Variants in PPFIBP2 observed in about 807,000 individuals in gnomAD.
PPFIBP2 encodes PPFIB scaffold protein 2.
A neutral mutation model predicts 118.3 loss-of-function variants in PPFIBP2; 118 were observed. The ratio of observed to expected loss-of-function variants is 1.00; its 90% CI spans 0.86 to 1.16. The LOEUF (loss-of-function observed/expected upper bound fraction) is 1.16. Ranked by LOEUF, PPFIBP2 falls within the 50% of genes most tolerant of loss-of-function variation. The pLI, the probability that PPFIBP2 is intolerant of heterozygous loss-of-function variation, is 0.00. For synonymous variants in PPFIBP2, 414 were observed against 397.4 expected, an observed-to-expected ratio of 1.04 and a Z score of -0.50; for missense variants, 1,195 against 1,073.1, an observed-to-expected ratio of 1.11 and a Z score of -1.59.
intron 1 of PPFIBP2, among the ~76,000 whole-genome samples, chr11:7,542,713 G>T (rs745736186): frequency 6.6e-5 from 10 of 152,232 alleles, no homozygotes; most frequent in African/African-American, 9.6e-5. Context: ...GACTGAGGAA[G>T]TCTCTCCCAG....
At chr11:7,591,728 T>C (rs1859343112) in intron 3 of PPFIBP2, among the ~76,000 whole-genome samples, 1 of 152,194 alleles carries the variant, frequency 6.6e-6, no homozygotes, top group Non-Finnish European at 1.5e-5. Flanking sequence ...ACAGCTGGCC[T>C]GGGGAGTGGC....
chr11:7,549,281 A>T (rs1056563493), intron 1 of PPFIBP2, among the ~76,000 whole-genome samples, 159 bp from the exon 2 acceptor site: 2 of 152,236 alleles, frequency 1.3e-5, no homozygotes, highest in African/African-American at 2.4e-5. Context: ...ACTCATGCCA[A>T]GAGGGAAAAG....
chr11:7,633,170 G>C (rs950204631), intron 12 of PPFIBP2, among the ~76,000 whole-genome samples: 1 of 152,206 alleles, frequency 6.6e-6, no homozygotes, highest in East Asian at 1.9e-4. Flanking sequence ...TCTGGCCAAG[G>C]ATTAGAGCCT....
intron 16 of PPFIBP2, 143 bp from the exon 17 acceptor site, chr11:7,642,155 C>G: frequency 1.0e-6 from 1 of 973,614 alleles, no homozygotes; most frequent in Non-Finnish European, 1.5e-6. Context: ...AGGTTGTGAT[C>G]CTTGATCTCT....
chr11:7,597,212 GA>G, intron 4 of PPFIBP2: 1 of 1,500,690 alleles, frequency 6.7e-7, no homozygotes, highest in Non-Finnish European at 8.9e-7. Flanking sequence ...CAAGCCAGCT[GA>G]GATGTGCCTT....
In PPFIBP2 at chr11:7,629,495, C is replaced by T. The variant is rs746828240; in HGVS notation, c.925C>T (p.Gln309Ter). ...AGAGGAGCTTACGGGGCTGTTAAAC[C>T]AGTACCGGAAGGTAAAGGAGATTGT... ...RIEELTGLLN[Q>*]YRKVKEIVMV... Residue 309 changes from glutamine (Q) to a stop codon, truncating the protein, a stop_gained, in exon 10 of 24, where the codon CAG becomes TAG. Transcript: ENST00000299492. LOFTEE classifies it high-confidence loss of function. 6.2e-7 allele frequency: 1 copy of T among 1,613,996 alleles called. No individual in the cohort carries two copies. The highest frequency in any genetic ancestry group is 2.2e-5 in the East Asian group (1 of 44,896).
In PPFIBP2 at chr11:7,585,377, T is replaced by C. The variant is rs374265860; in HGVS notation, c.280-7755T>C. Among the ~76,000 whole-genome samples, 27 of 152,278 alleles carry C rather than the reference T, an allele frequency of 1.8e-4. No homozygotes were observed. The South Asian group carries it at 5.2e-3, about 29-fold the overall frequency. ...CTGTTTTAGGTTTTCCCACACTCCT[T>C]ACTTGTATACCAATGACACCCCTGT... On this transcript the variant is annotated intron_variant, in intron 3 of 23. Transcript: ENST00000299492.
At chr11:7,587,725 C>T (rs990413933) in intron 3 of PPFIBP2, among the ~76,000 whole-genome samples, 4 of 152,200 alleles carry the variant, frequency 2.6e-5, no homozygotes, top group Admixed American at 6.5e-5. Flanking sequence ...ACTGTGGCAC[C>T]ACCACTACCA....
At position 7,629,482 on chromosome 11, in the gene PPFIBP2, G is replaced by T. The variant is rs373489711; in HGVS notation, c.912G>T (p.Thr304=). ...AGGACCGTCGGATAGAGGAGCTTAC[G>T]GGGCTGTTAAACCAGTACCGGAAGG... ...EDKDRRIEEL[T]GLLNQYRKVK... Residue 304 remains threonine, a synonymous_variant, in exon 10 of 24, where the codon ACG becomes ACT. Coordinates refer to ENST00000299492, the MANE Select transcript of PPFIBP2 (RefSeq NM_003621.5). 1 of 1,614,094 alleles carries T rather than the reference G, an allele frequency of 6.2e-7. No individual in the cohort carries two copies. Among genetic ancestry groups the T allele is most frequent in the African/African-American group, 1.3e-5 (1 of 75,036 alleles).
At chr11:7,651,583 A>C in intron 22 of PPFIBP2, 73 bp from the exon 23 acceptor site, 1 of 1,405,896 alleles carries the variant, frequency 7.1e-7, no homozygotes, top group East Asian at 2.3e-5. Flanking sequence ...CCAACAGGCC[A>C]GTCTCTCAGC....
chr11:7,630,477 A>G (rs1253901565), intron 10 of PPFIBP2, among the ~76,000 whole-genome samples: 1 of 152,102 alleles, frequency 6.6e-6, no homozygotes, highest in African/African-American at 2.4e-5. Flanking sequence ...ATACCTGGCT[A>G]ATTTTTGTAT....
At chr11:7,636,391 A>G (rs55691602) in intron 14 of PPFIBP2, among the ~76,000 whole-genome samples, 8,091 of 152,136 alleles carry the variant, frequency 0.053, 354 homozygotes, top group African/African-American at 0.12. Flanking sequence ...CCATATTTGT[A>G]GCAGTTGGTT....
intron 2 of PPFIBP2, among the ~76,000 whole-genome samples, chr11:7,551,401 G>A (rs1852982214): frequency 6.6e-6 from 1 of 152,120 alleles, no homozygotes; most frequent in Non-Finnish European, 1.5e-5. Flanking sequence ...TTTGTCAAAG[G>A]TCATTTGATT....
chr11:7,652,433 A>C (rs1854182419), intron 23 of PPFIBP2, among the ~76,000 whole-genome samples: 1 of 152,216 alleles, frequency 6.6e-6, no homozygotes, highest in Non-Finnish European at 1.5e-5. Flanking sequence ...CTACAGACCA[A>C]CAGGCAACCT....
Position 7,648,917 on chromosome 11 carries a change from G to A in PPFIBP2, c.1909+6G>A, listed in dbSNP as rs1488775493. The stretch of plus-strand genomic sequence containing the variant: ...AGACCACATTTGGGTGACAAGTAAG[G>A]ATAGGCATATATGTATTAAGAATGT... On this transcript the variant is annotated splice_donor_region_variant and intron_variant, in intron 19 of 23. Coordinates refer to ENST00000299492, the MANE Select transcript of PPFIBP2 (RefSeq NM_003621.5). The A allele has an allele frequency of 1.2e-6, 2 of 1,607,044 alleles. No individual in the cohort carries two copies. Among genetic ancestry groups the A allele is most frequent in the Non-Finnish European group, 1.7e-6 (2 of 1,173,730 alleles).
chr11:7,656,431 C>T (rs1235581253), downstream of PPFIBP2, among the ~76,000 whole-genome samples: 3 of 152,292 alleles, frequency 2.0e-5, no homozygotes, highest in South Asian at 2.1e-4. Flanking sequence ...TTTTACTCAA[C>T]GTTTTTATTT....
chr11:7,567,184 G>C (rs1190310953), intron 3 of PPFIBP2, among the ~76,000 whole-genome samples: 1 of 152,110 alleles, frequency 6.6e-6, no homozygotes, highest in Non-Finnish European at 1.5e-5. Context: ...ACAGATAACT[G>C]TTCACCTGTA....
Position 7,616,256 on chromosome 11 carries a change from G to A in PPFIBP2, c.619-4679G>A, listed in dbSNP as rs1245719727. ...AAATTTAGGACAATAGTCCCCCAAA[G>A]TGCTTGCTATAAGTTAATTTTAAGG... On this transcript the variant is annotated intron_variant, in intron 6 of 23. Transcript: ENST00000299492. This position sits in a 1 kb window ranked among gnomAD's most constrained non-coding sequence, Gnocchi z 5.2. 6.6e-6 allele frequency among the ~76,000 whole-genome samples: 1 copy of A among 152,182 alleles called. No individual in the cohort carries two copies. Among genetic ancestry groups the A allele is most frequent in the East Asian group, 1.9e-4 (1 of 5,194 alleles).
At chr11:7,615,735 A>G (rs1848562715) in intron 6 of PPFIBP2, among the ~76,000 whole-genome samples, 1 of 152,364 alleles carries the variant, frequency 6.6e-6, no homozygotes, top group Non-Finnish European at 1.5e-5. Flanking sequence ...CTGGTTTATG[A>G]AGTAAAAGTG....
Sources: gnomAD v4.1 joint callset for allele counts (sites outside exome capture counted in the v4.1 genomes callset) on GRCh38, gnomAD v4.1.1 for gene constraint, Gnocchi (gnomAD v3.1) non-coding constraint, MANE v1.5 for transcripts, NCBI Gene and HGNC (gene_info 2026-07-23, HGNC 2026-07-21) for gene names.